Variants in PIEZO2 observed in about 807,000 individuals in gnomAD.
The protein encoded by PIEZO2 is piezo-type mechanosensitive ion channel component 2.
Under a neutral mutation model 337.3 loss-of-function variants are expected in PIEZO2, and 172 were observed. That is an observed-to-expected ratio of 0.51 (90% CI 0.45 to 0.58). PIEZO2 has a LOEUF of 0.58. PIEZO2 is among the 20% of genes least tolerant of loss of function. The pLI, the probability that PIEZO2 is intolerant of heterozygous loss-of-function variation, is 0.00. For missense variants in PIEZO2, 3,028 were observed against 3,391.3 expected (o/e 0.89, Z 2.66); for synonymous variants, 1,251 against 1,228.5 (o/e 1.02, Z -0.38).
chr18:10,716,071 C>G lies in PIEZO2; in HGVS notation c.5090-255G>C, dbSNP rs564165118. 1.3e-5 allele frequency among the ~76,000 whole-genome samples: 2 copies of G among 152,146 alleles called. No individual in the cohort carries two copies. Among genetic ancestry groups the G allele is most frequent in the Non-Finnish European group, 2.9e-5 (2 of 68,030 alleles). ...TCTTTAGTGGAAACAGAAAGCAGGG[C>G]GGCTCCCTGTGCAGCTGACCCTTGA... On this transcript the variant is annotated intron_variant, in intron 37 of 55. Coordinates refer to ENST00000674853, the MANE Select transcript of PIEZO2 (RefSeq NM_001378183.1). The surrounding 1 kb of genome is among the most constrained non-coding windows in gnomAD (Gnocchi z 4.1).
At chr18:10,920,979 G>A (rs1481027332) in intron 3 of PIEZO2, among the ~76,000 whole-genome samples, 1 of 152,138 alleles carries the variant, frequency 6.6e-6, no homozygotes, top group African/African-American at 2.4e-5. Flanking sequence ...CTTGAACCTG[G>A]GAGGCAGAGG....
At chr18:10,842,193 T>G (rs959972754) in intron 7 of PIEZO2, among the ~76,000 whole-genome samples, 2 of 152,116 alleles carry the variant, frequency 1.3e-5, no homozygotes, top group African/African-American at 4.8e-5. Context: ...TTTATTTTTG[T>G]TTTTTATTTT....
chr18:10,846,957 C>CAATAAAAAT lies in PIEZO2; in HGVS notation c.917+8395_917+8396insATTTTTATT, dbSNP rs1568125387. 2.6e-5 allele frequency among the ~76,000 whole-genome samples: 4 copies of CAATAAAAAT among 152,108 alleles called. No individual in the cohort carries two copies. The highest frequency in any genetic ancestry group is 9.7e-5 in the African/African-American group (4 of 41,418). On this transcript the variant is annotated intron_variant, in intron 7 of 55. Transcript: ENST00000674853. The surrounding 1 kb of genome is among the most constrained non-coding windows in gnomAD (Gnocchi z 4.1). ...TGACTACAACAATAAAAATCAGTAGCACTTGATATGCTCTCTCCTGCTTAC... is the reference window on the plus strand; with the variant it reads ...TGACTACAACAATAAAAATCAGTAGCAATAAAAATACTTGATATGCTCTCTCCTGCTTAC...
At position 10,895,856 on chromosome 18, in the gene PIEZO2, C is replaced by T. The variant is rs529877733; in HGVS notation, c.329+15330G>A. On this transcript the variant is annotated intron_variant, in intron 4 of 55. Coordinates refer to ENST00000674853, the MANE Select transcript of PIEZO2 (RefSeq NM_001378183.1). The surrounding 1 kb of genome is among the most constrained non-coding windows in gnomAD (Gnocchi z 4.8). ...GGCAGATCACCTGAGGTCAGGAGTT[C>T]CAGATCAGCCTGGCCAACATGGTGA... Among the ~76,000 whole-genome samples, 36 of 152,116 alleles carry T rather than the reference C, an allele frequency of 2.4e-4. No individual in the cohort carries two copies. Among genetic ancestry groups the T allele is most frequent in the African/African-American group, 7.5e-4 (31 of 41,520 alleles).
intron 40 of PIEZO2, among the ~76,000 whole-genome samples, chr18:10,708,003 A>G (rs973342117): frequency 6.6e-6 from 1 of 152,220 alleles, no homozygotes; most frequent in Admixed American, 6.5e-5. Flanking sequence ...AGTTTGAAAT[A>G]CTGAAAACAT....
chr18:10,974,443 G>T (rs1187110803), intron 3 of PIEZO2, among the ~76,000 whole-genome samples: 3 of 152,218 alleles, frequency 2.0e-5, no homozygotes, highest in African/African-American at 7.2e-5. Context: ...AGGAAGCAAA[G>T]AAAATATTCA....
intron 4 of PIEZO2, among the ~76,000 whole-genome samples, chr18:10,897,218 G>A (rs1471072369): frequency 1.3e-5 from 2 of 150,570 alleles, no homozygotes; most frequent in African/African-American, 2.4e-5. Flanking sequence ...ATGGAGCCTC[G>A]CTCTGTCTCC....
rs1043951747 is a variant in PIEZO2, at chr18:10,888,192, T to C, written c.330-16777A>G. Among the ~76,000 whole-genome samples the C allele has an allele frequency of 6.6e-6, 1 of 152,190 alleles. No individual in the cohort carries two copies. The highest frequency in any genetic ancestry group is 1.5e-5 in the Non-Finnish European group (1 of 68,038). On this transcript the variant is annotated intron_variant, in intron 4 of 55. Transcript: ENST00000674853. This position sits in a 1 kb window ranked among gnomAD's most constrained non-coding sequence, Gnocchi z 4.1. ...AGCACTTCCTCTTACCTCCAATAAA[T>C]CAATTTCTTAGCTAAGTAATATCAG...
Position 10,988,535 on chromosome 18 carries a change from TC to T in PIEZO2, c.161-8876del, listed in dbSNP as rs1304846749. Among the ~76,000 whole-genome samples, 3 of 152,132 alleles carry T rather than the reference TC, an allele frequency of 2.0e-5. No homozygotes were observed. The highest frequency in any genetic ancestry group is 2.9e-5 in the Non-Finnish European group (2 of 68,018). ...CCATTATGAAAAATAGTATGGAGAT[TC>T]TTAAAAATTAAAAATAGAACTGCTA... On this transcript the variant is annotated intron_variant, in intron 2 of 55. Coordinates refer to ENST00000674853, the MANE Select transcript of PIEZO2 (RefSeq NM_001378183.1). This position sits in a 1 kb window ranked among gnomAD's most constrained non-coding sequence, Gnocchi z 4.8.
rs1049425759 is a variant in PIEZO2 at position 10,945,321 on chromosome 18, A to G, written c.287-34093T>C. Among the ~76,000 whole-genome samples, 1 of 152,160 alleles carries G rather than the reference A, an allele frequency of 6.6e-6. No homozygotes were observed. Among genetic ancestry groups the G allele is most frequent in the African/African-American group, 2.4e-5 (1 of 41,442 alleles). On this transcript the variant is annotated intron_variant, in intron 3 of 55. Transcript: ENST00000674853. The surrounding 1 kb of genome is among the most constrained non-coding windows in gnomAD (Gnocchi z 4.0). ...CAGCTTCCCAAAGTGCTGGGATTACAGATGTGAGCCACTGCACCTGGCTGA... is the reference window on the plus strand; with the variant it reads ...CAGCTTCCCAAAGTGCTGGGATTACGGATGTGAGCCACTGCACCTGGCTGA...
At position 10,787,053 on chromosome 18, in the gene PIEZO2, A is replaced by G; in HGVS notation, c.2301T>C (p.Thr767=). Residue 767 remains threonine, a synonymous_variant, in exon 16 of 56, where the codon ACT becomes ACC. Transcript: ENST00000674853. ...TCACTTACTTTTCTTTTTTCAGTCC[A>G]GTCATATTTTGCCACAGGCCTGGGA... ...ENFPGLWQNM[T]GLKKEKLEDL... is the part of the protein sequence containing the mutation. The G allele has an allele frequency of 6.5e-7, 1 of 1,531,600 alleles. No individual in the cohort carries two copies. The allele number at this position is 1,531,600 out of a possible 1,614,324, so 94.9% of individuals were successfully genotyped here. A position where few individuals can be genotyped will look rare whatever the true frequency, so the allele number is the denominator to read the frequency against.
At chr18:10,753,323 C>T (rs2037716213) in intron 27 of PIEZO2, among the ~76,000 whole-genome samples, 1 of 152,196 alleles carries the variant, frequency 6.6e-6, no homozygotes, top group Non-Finnish European at 1.5e-5. Context: ...AAATCTTTCC[C>T]TACAGATGGG....
intron 7 of PIEZO2, among the ~76,000 whole-genome samples, chr18:10,817,898 G>A (rs2040409264): frequency 6.6e-6 from 1 of 150,486 alleles, no homozygotes; most frequent in East Asian, 2.0e-4. Context: ...ACTCCAGCCT[G>A]GGCGACAGAG....
At chr18:10,741,242 T>A (rs2037207515) in intron 32 of PIEZO2, 140 bp from the exon 33 acceptor site, 1 of 675,088 alleles carries the variant, frequency 1.5e-6, no homozygotes, top group Non-Finnish European at 2.5e-6. Context: ...CTATACTGAA[T>A]CTGAAAAATA....
At position 11,131,124 on chromosome 18, in the gene PIEZO2, C is replaced by T. The variant is rs568168131; in HGVS notation, c.64+17401G>A. Among the ~76,000 whole-genome samples the T allele has an allele frequency of 2.7e-4, 41 of 152,350 alleles. No homozygotes were observed. The highest frequency in any genetic ancestry group is 4.4e-4 in the Non-Finnish European group (30 of 68,040). On this transcript the variant is annotated intron_variant, in intron 1 of 55. Transcript: ENST00000674853. The surrounding 1 kb of genome is among the most constrained non-coding windows in gnomAD (Gnocchi z 5.3). The stretch of plus-strand genomic sequence containing the variant: ...TTTGAGAGACAGCTCTTGGCTGACA[C>T]TGGACTTTGGTGGAAACTGAATGTT...
At chr18:11,122,811 C>T (rs940495818) in intron 1 of PIEZO2, among the ~76,000 whole-genome samples, 9 of 151,876 alleles carry the variant, frequency 5.9e-5, no homozygotes, top group Non-Finnish European at 1.2e-4. Flanking sequence ...TTATAAAATC[C>T]GCAGACATCA....
At chr18:10,825,110 C>A (rs1284815379) in intron 7 of PIEZO2, among the ~76,000 whole-genome samples, 3 of 152,030 alleles carry the variant, frequency 2.0e-5, no homozygotes, top group Non-Finnish European at 2.9e-5. Flanking sequence ...GTGATCCACT[C>A]GCCTCGGCCT....
chr18:10,777,906 A>G (rs1402975129), intron 18 of PIEZO2, among the ~76,000 whole-genome samples: 2 of 152,222 alleles, frequency 1.3e-5, no homozygotes, highest in Non-Finnish European at 2.9e-5. Flanking sequence ...TGTGAATTGA[A>G]TATTACATCT....
At chr18:10,805,438 C>T (rs2039970375) in intron 8 of PIEZO2, among the ~76,000 whole-genome samples, 1 of 152,176 alleles carries the variant, frequency 6.6e-6, no homozygotes, top group Admixed American at 6.5e-5. Context: ...ATTGCTTGAA[C>T]CCAGGAGGCA....
Sources: gnomAD v4.1 joint callset for allele counts (sites outside exome capture counted in the v4.1 genomes callset) on GRCh38, gnomAD v4.1.1 for gene constraint, Gnocchi (gnomAD v3.1) non-coding constraint, MANE v1.5 for transcripts, NCBI Gene and HGNC (gene_info 2026-07-23, HGNC 2026-07-21) for gene names.